Variants in PAK3 observed in about 807,000 individuals in gnomAD.
PAK3 encodes the protein serine/threonine-protein kinase PAK 3.
In PAK3, 4 loss-of-function variants were observed where a neutral mutation model predicts 41.0. That is an observed-to-expected ratio of 0.10 (90% CI 0.05 to 0.22). The LOEUF (loss-of-function observed/expected upper bound fraction) is 0.22. PAK3 is among the 10% of genes least tolerant of loss of function. The probability of loss-of-function intolerance (pLI) is 1.00; values close to 1 mark genes in which losing one functional copy is unlikely to be tolerated. For synonymous variants in PAK3, 146 were observed against 139.6 expected, an observed-to-expected ratio of 1.05 and a Z score of -0.32; for missense variants, 205 against 409.9, an observed-to-expected ratio of 0.50 and a Z score of 4.32.
rs1433494766 is a variant in PAK3, at chrX:111,029,565, C to T, written c.-28+84937C>T. Among the ~76,000 whole-genome samples the T allele has an allele frequency of 2.7e-5, 3 of 111,627 alleles. No individual in the cohort carries two copies. The Admixed American group carries it at 2.9e-4, about 11-fold the overall frequency. Reference sequence around the variant, plus strand: ...AGAAAGTCATGAGGAAGAGAAAATACTTTTACTATACCATACTGCATTTAT... The same window carrying T: ...AGAAAGTCATGAGGAAGAGAAAATATTTTTACTATACCATACTGCATTTAT... On this transcript the variant is annotated intron_variant, in intron 1 of 14. Transcript: ENST00000425146.
intron 14 of PAK3, 73 bp downstream of exon 14, chrX:111,194,491 T>A: frequency 3.2e-6 from 2 of 620,624 alleles, no homozygotes; most frequent in Non-Finnish European, 5.6e-6. Flanking sequence ...TTATTCAGAA[T>A]GTTTGTATCA....
chrX:111,222,013 C>T lies in PAK3; in HGVS notation c.*1566C>T, dbSNP rs2094930364. On this transcript the variant is annotated 3_prime_UTR_variant, in exon 18 of 18. Transcript: ENST00000372007. ...GAATCTTCTGAGAGTAGAAAAATAT[C>T]TGCGGAGTGTCTGTGTAGAAAAGGA... 8.9e-6 allele frequency: 1 copy of T among 112,065 alleles called. No individual in the cohort carries two copies. The highest frequency in any genetic ancestry group is 3.2e-5 in the African/African-American group (1 of 30,905). The allele number at this position is 112,065 out of a possible 1,213,427, so 9.2% of individuals were successfully genotyped here.
intron 1 of PAK3, among the ~76,000 whole-genome samples, chrX:111,090,573 C>G (rs1398509037): frequency 6.3e-5 from 7 of 111,474 alleles, no homozygotes; most frequent in Non-Finnish European, 1.9e-5. Context: ...CACTTCTGTT[C>G]CTGACAACCT....
rs748103128 is a variant in PAK3, at chrX:110,981,640, C to T, written c.-28+37012C>T. 1.5e-4 allele frequency among the ~76,000 whole-genome samples: 17 copies of T among 110,171 alleles called. 1 individual carries two copies. Among genetic ancestry groups the T allele is most frequent in the Non-Finnish European group, 2.6e-4 (14 of 52,837 alleles). On this transcript the variant is annotated intron_variant, in intron 1 of 14. Transcript: ENST00000425146. ...ATTTGGGGAATCTGAGTGAGGAGTA[C>T]GTGGAAATTCCTTGTACTTACATTT... is the stretch of plus-strand genomic sequence containing the variant.
intron 1 of PAK3, among the ~76,000 whole-genome samples, chrX:111,089,711 G>T (rs1357171719): frequency 4.5e-5 from 5 of 111,082 alleles, no homozygotes; most frequent in Non-Finnish European, 7.5e-5. Context: ...GACCCTCGGG[G>T]TATAAGGAAG....
At chrX:111,106,124 G>A (rs187016234) in intron 4 of PAK3, among the ~76,000 whole-genome samples, 92 of 109,247 alleles carry the variant, frequency 8.4e-4, no homozygotes, top group Non-Finnish European at 1.4e-3. Flanking sequence ...TCCCCCACTC[G>A]TACATCACAC....
intron 5 of PAK3, among the ~76,000 whole-genome samples, chrX:111,125,677 C>A (rs1284774714): frequency 2.7e-5 from 3 of 111,626 alleles, no homozygotes; most frequent in African/African-American, 9.8e-5. Context: ...AAACAATCTT[C>A]AATAGAACTT....
At chrX:110,962,521 CCTTA>C (rs1332821090) in intron 1 of PAK3, among the ~76,000 whole-genome samples, 1 of 112,583 alleles carries the variant, frequency 8.9e-6, no homozygotes, top group Non-Finnish European at 1.9e-5. Context: ...ACCATGCAAA[CCTTA>C]CTTGTTATTT....
At chrX:111,023,795 C>T (rs1326535013) in intron 1 of PAK3, among the ~76,000 whole-genome samples, 7 of 111,185 alleles carry the variant, frequency 6.3e-5, no homozygotes, top group African/African-American at 2.3e-4. Context: ...GGATATTAGC[C>T]CTTTGTCAGA....
intron 1 of PAK3, among the ~76,000 whole-genome samples, chrX:110,972,071 T>C (rs1281456264): frequency 9.0e-6 from 1 of 111,526 alleles, no homozygotes; most frequent in Non-Finnish European, 1.9e-5. Context: ...TATACACACA[T>C]ATATATACAC....
chrX:111,102,560 CTT>C (rs1340175927), intron 3 of PAK3, among the ~76,000 whole-genome samples: 1 of 111,547 alleles, frequency 9.0e-6, no homozygotes, highest in Non-Finnish European at 1.9e-5. Flanking sequence ...GAGGTGGAGA[CTT>C]AGAGTTGAGG....
chrX:111,012,887 A>AT (rs1302280351), intron 1 of PAK3, among the ~76,000 whole-genome samples: 4 of 111,262 alleles, frequency 3.6e-5, no homozygotes, highest in South Asian at 3.8e-4. Context: ...GGCTCAAGCA[A>AT]TTTTTCCTAC....
chrX:111,035,639 G>A (rs536155839), intron 1 of PAK3, among the ~76,000 whole-genome samples: 1 of 112,073 alleles, frequency 8.9e-6, no homozygotes, highest in South Asian at 3.8e-4. Context: ...TTTAAAAATA[G>A]AACTTTAAGT....
At chrX:111,067,392 T>C (rs763244942) in intron 1 of PAK3, among the ~76,000 whole-genome samples, 1 of 111,863 alleles carries the variant, frequency 8.9e-6, no homozygotes, top group East Asian at 2.8e-4. Context: ...TCTCATTTTT[T>C]GTGGATGAGA....
Position 111,053,989 on chromosome X carries a change from G to A in PAK3, c.-27-69088G>A, listed in dbSNP as rs2092583087. 4.5e-5 allele frequency among the ~76,000 whole-genome samples: 5 copies of A among 112,310 alleles called. No homozygotes were observed. In the South Asian group the frequency reaches 1.9e-3, roughly 42 times the overall value. On this transcript the variant is annotated intron_variant, in intron 1 of 14. Transcript: ENST00000425146. The stretch of plus-strand genomic sequence containing the variant: ...AGTCTACCTTGCAATTACACAATCT[G>A]GATACTGGCCTTTGTGGCCTACCCA...
At chrX:111,018,948 C>G (rs888704227) in intron 1 of PAK3, among the ~76,000 whole-genome samples, 1 of 111,394 alleles carries the variant, frequency 9.0e-6, no homozygotes, top group South Asian at 3.8e-4. Context: ...TAGATGGTAC[C>G]TTTTTGTACC....
At chrX:111,015,577 G>T (rs1280098411) in intron 1 of PAK3, among the ~76,000 whole-genome samples, 2 of 111,391 alleles carry the variant, frequency 1.8e-5, no homozygotes, top group Admixed American at 1.9e-4. Context: ...AATGCACAAG[G>T]GTTCCAATTT....
rs968635958 is a variant in PAK3, at chrX:111,061,924, C to T, written c.-27-61153C>T. Reference sequence around the variant, plus strand: ...TGACCTCTTGAGCTCAAGGGATCCACCTGCCTCAGCCTCCCGAGTAGCTGG... The same window carrying T: ...TGACCTCTTGAGCTCAAGGGATCCATCTGCCTCAGCCTCCCGAGTAGCTGG... On this transcript the variant is annotated intron_variant, in intron 1 of 14. Coordinates refer to the PAK3 transcript ENST00000425146. Among the ~76,000 whole-genome samples, 9 of 110,556 alleles carry T rather than the reference C, an allele frequency of 8.1e-5. 1 individual carries two copies. In the South Asian group the frequency reaches 2.4e-3, roughly 29 times the overall value.
At chrX:111,138,859 T>C (rs935490231) in intron 5 of PAK3, among the ~76,000 whole-genome samples, 6 of 110,913 alleles carry the variant, frequency 5.4e-5, no homozygotes, top group Non-Finnish European at 1.1e-4. Flanking sequence ...AGAATGTTAT[T>C]CAGGAGGCTG....
Sources: gnomAD v4.1 joint callset for allele counts (sites outside exome capture counted in the v4.1 genomes callset) on GRCh38, gnomAD v4.1.1 for gene constraint, MANE v1.5 for transcripts, NCBI Gene and HGNC (gene_info 2026-07-23, HGNC 2026-07-21) for gene names.